SMYD3: variants seen among roughly 807,000 people sequenced by gnomAD.
SMYD3 encodes histone-lysine N-methyltransferase SMYD3.
Under a neutral mutation model 57.7 loss-of-function variants are expected in SMYD3, and 36 were observed. That is an observed-to-expected ratio of 0.62 (90% CI 0.48 to 0.82). SMYD3 has a LOEUF of 0.82. Ranked by LOEUF, SMYD3 falls within the 40% of genes least tolerant of loss-of-function variation. The pLI is 0.00. For missense variants in SMYD3, 515 were observed against 538.8 expected, an observed-to-expected ratio of 0.96 and a Z score of 0.44; for synonymous variants, 211 against 195.0, an observed-to-expected ratio of 1.08 and a Z score of -0.68.
At chr1:246,165,574 A>T (rs542837746) in intron 5 of SMYD3, among the ~76,000 whole-genome samples, 5 of 152,266 alleles carry the variant, frequency 3.3e-5, no homozygotes, top group Admixed American at 1.3e-4. Flanking sequence ...AAGGGTTAAA[A>T]GTCGTCGAAA....
chr1:246,361,895 G>A (rs1372516141), intron 1 of SMYD3, among the ~76,000 whole-genome samples: 1 of 152,020 alleles, frequency 6.6e-6, no homozygotes, highest in East Asian at 1.9e-4. Flanking sequence ...CCCCACTAAA[G>A]AGCTTATTCA....
chr1:246,037,949 G>T (rs2059805051), intron 5 of SMYD3, among the ~76,000 whole-genome samples: 1 of 152,128 alleles, frequency 6.6e-6, no homozygotes, highest in African/African-American at 2.4e-5. Context: ...GGACCATAAG[G>T]TCCCTGTTGC....
At chr1:246,125,079 A>ACACACACACAC (rs1206513856) in intron 5 of SMYD3, among the ~76,000 whole-genome samples, 1,901 of 108,240 alleles carry the variant, frequency 0.018, 28 homozygotes, top group East Asian at 0.034. Context: ...CTCAAAAAAA[A>ACACACACACAC]AAAAAAAAAC....
chr1:245,851,598 G>A (rs2050980565), intron 10 of SMYD3, among the ~76,000 whole-genome samples: 1 of 152,216 alleles, frequency 6.6e-6, no homozygotes, highest in African/African-American at 2.4e-5. Flanking sequence ...ATGCCTGCTA[G>A]CATTGATGTG....
intron 10 of SMYD3, among the ~76,000 whole-genome samples, chr1:245,812,626 G>A (rs1190180828): frequency 6.7e-6 from 1 of 149,104 alleles, no homozygotes; most frequent in Middle Eastern, 3.2e-3. Context: ...CCTGGTCAGA[G>A]TAGCCCAAGA....
chr1:246,205,572 A>G (rs1423816778), intron 5 of SMYD3, among the ~76,000 whole-genome samples: 1 of 152,224 alleles, frequency 6.6e-6, no homozygotes, highest in Admixed American at 6.5e-5. Context: ...CTGGAATCCC[A>G]GCACTTTGGG....
chr1:246,171,015 T>A (rs1572149825), intron 5 of SMYD3, among the ~76,000 whole-genome samples: 1 of 152,190 alleles, frequency 6.6e-6, no homozygotes, highest in East Asian at 1.9e-4. Flanking sequence ...AGTCTACAAA[T>A]TACTACTTTC....
intron 5 of SMYD3, among the ~76,000 whole-genome samples, chr1:246,313,371 A>G (rs1316291561): frequency 6.6e-6 from 1 of 152,192 alleles, no homozygotes; most frequent in Admixed American, 6.5e-5. Flanking sequence ...GTGAAGGAGG[A>G]AAAACAGACC....
At chr1:246,027,685 C>G (rs2059600642) in intron 5 of SMYD3, among the ~76,000 whole-genome samples, 1 of 152,214 alleles carries the variant, frequency 6.6e-6, no homozygotes, top group Non-Finnish European at 1.5e-5. Context: ...ACCTAGTCAT[C>G]CAAGAGCTCC....
At chr1:246,409,766 C>G (rs980117767) in intron 1 of SMYD3, among the ~76,000 whole-genome samples, 2 of 152,260 alleles carry the variant, frequency 1.3e-5, no homozygotes, top group South Asian at 2.1e-4. Context: ...TTACCTTGGG[C>G]AGTATAGCTT....
intron 5 of SMYD3, among the ~76,000 whole-genome samples, chr1:246,224,811 A>C (rs2063304834): frequency 6.6e-6 from 1 of 152,118 alleles, no homozygotes; most frequent in Non-Finnish European, 1.5e-5. Flanking sequence ...GTGACAGAAA[A>C]AAAATTAAGA....
chr1:246,181,267 T>C (rs2062547340), intron 5 of SMYD3, among the ~76,000 whole-genome samples: 1 of 152,202 alleles, frequency 6.6e-6, no homozygotes, highest in African/African-American at 2.4e-5. Flanking sequence ...ACAAAGGTTT[T>C]CCTGTACTCT....
chr1:246,381,741 C>T (rs1372769978), intron 1 of SMYD3, among the ~76,000 whole-genome samples: 4 of 152,222 alleles, frequency 2.6e-5, no homozygotes, highest in Non-Finnish European at 5.9e-5. Flanking sequence ...AGGCCTTCAA[C>T]ACCAATAACT....
chr1:245,997,119 C>T (rs1263260540), intron 5 of SMYD3, among the ~76,000 whole-genome samples: 4 of 144,388 alleles, frequency 2.8e-5, no homozygotes, highest in Non-Finnish European at 4.6e-5. Context: ...TTTTAATTAA[C>T]GAAATGAAAC....
intron 5 of SMYD3, among the ~76,000 whole-genome samples, chr1:245,977,710 A>G (rs1007402155): frequency 1.3e-5 from 2 of 152,062 alleles, no homozygotes; most frequent in Admixed American, 1.3e-4. Flanking sequence ...CAAAACTTAA[A>G]AGATTCTCCC....
chr1:246,114,085 C>A (rs3820245), intron 5 of SMYD3, among the ~76,000 whole-genome samples: 2,956 of 152,266 alleles, frequency 0.019, 140 homozygotes, highest in East Asian at 0.15. Flanking sequence ...CTAATAGAAC[C>A]CCATTATCAG....
At chr1:246,194,629 A>C (rs1429299632) in intron 5 of SMYD3, among the ~76,000 whole-genome samples, 1 of 152,200 alleles carries the variant, frequency 6.6e-6, no homozygotes, top group Admixed American at 6.5e-5. Context: ...AGCCATCTAG[A>C]GCTGTGCTAT....
At chr1:245,752,135 T>C (rs2045411909) in intron 11 of SMYD3, among the ~76,000 whole-genome samples, 1 of 152,238 alleles carries the variant, frequency 6.6e-6, no homozygotes, top group African/African-American at 2.4e-5. Context: ...GGAAATTTTC[T>C]TACTTGAAAG....
At chr1:246,286,630 A>T (rs1020934859) in intron 5 of SMYD3, among the ~76,000 whole-genome samples, 1 of 152,190 alleles carries the variant, frequency 6.6e-6, no homozygotes, top group African/African-American at 2.4e-5. Flanking sequence ...TATAAATGTA[A>T]TACAGAGACA....
Sources: gnomAD v4.1 joint callset for allele counts (sites outside exome capture counted in the v4.1 genomes callset) on GRCh38, gnomAD v4.1.1 for gene constraint, MANE v1.5 for transcripts, NCBI Gene and HGNC (gene_info 2026-07-23, HGNC 2026-07-21) for gene names.